SCN8A: variants seen among roughly 807,000 people sequenced by gnomAD.
SCN8A encodes sodium channel protein type 8 subunit alpha.
A neutral mutation model predicts 184.1 loss-of-function variants in SCN8A; 30 were observed. The observed-to-expected ratio is 0.16, with a 90% CI of 0.12 to 0.22. The LOEUF is 0.22. Ranked by LOEUF, SCN8A falls within the 10% of genes least tolerant of loss-of-function variation. SCN8A has a pLI of 1.00. For missense variants in SCN8A, 1,057 were observed against 2,498.9 expected, an observed-to-expected ratio of 0.42 and a Z score of 12.30; for synonymous variants, 852 against 907.0, an observed-to-expected ratio of 0.94 and a Z score of 1.09.
At chr12:51,631,088 C>T (rs150739149) in intron 1 of SCN8A, among the ~76,000 whole-genome samples, 64 of 152,290 alleles carry the variant, frequency 4.2e-4, no homozygotes, top group African/African-American at 1.4e-3. Context: ...ATTGATATCC[C>T]GAGGGCAAGT....
intron 25 of SCN8A, among the ~76,000 whole-genome samples, chr12:51,792,252 A>T (rs1480633579): frequency 6.6e-6 from 1 of 150,608 alleles, no homozygotes; most frequent in Admixed American, 6.6e-5. Flanking sequence ...ATCTAGAGGC[A>T]GGCAGATCGC....
At chr12:51,649,231 C>G (rs1294896995) in intron 1 of SCN8A, among the ~76,000 whole-genome samples, 4 of 152,190 alleles carry the variant, frequency 2.6e-5, no homozygotes, top group African/African-American at 4.8e-5. Flanking sequence ...CAGGGTACAG[C>G]CTTCTTCCCA....
intron 26 of SCN8A, among the ~76,000 whole-genome samples, chr12:51,798,002 C>T (rs1471999610): frequency 1.3e-5 from 2 of 152,112 alleles, no homozygotes; most frequent in Non-Finnish European, 2.9e-5. Flanking sequence ...CCATTTCCAC[C>T]CCTTGATTCC....
At chr12:51,757,064 T>G (rs1054621157) in intron 14 of SCN8A, among the ~76,000 whole-genome samples, 4 of 152,230 alleles carry the variant, frequency 2.6e-5, no homozygotes, top group Non-Finnish European at 5.9e-5. Flanking sequence ...TTTTAAATAC[T>G]TGTCACATGA....
At chr12:51,688,532 A>G (rs1223217222) in intron 5 of SCN8A, among the ~76,000 whole-genome samples, 1 of 152,196 alleles carries the variant, frequency 6.6e-6, no homozygotes, top group Non-Finnish European at 1.5e-5. Flanking sequence ...GCACATTACT[A>G]TGCTGATTAA....
At chr12:51,691,008 A>G (rs1465175631) in intron 6 of SCN8A, among the ~76,000 whole-genome samples, 2 of 152,222 alleles carry the variant, frequency 1.3e-5, no homozygotes, top group Non-Finnish European at 2.9e-5. Flanking sequence ...AGCTCAGCTC[A>G]TTCTCCAGAC....
intron 14 of SCN8A, among the ~76,000 whole-genome samples, chr12:51,753,999 C>T (rs1942634997): frequency 6.6e-6 from 1 of 151,920 alleles, no homozygotes; most frequent in Non-Finnish European, 1.5e-5. Flanking sequence ...TGTCTGTAGA[C>T]ATACAGAAAG....
chr12:51,798,401 C>T (rs759935405), intron 26 of SCN8A, among the ~76,000 whole-genome samples: 2 of 152,194 alleles, frequency 1.3e-5, no homozygotes, highest in Admixed American at 6.5e-5. Context: ...AGTGTCTGTT[C>T]TGGTGAGGAC....
At chr12:51,637,076 G>A (rs1458649206) in intron 1 of SCN8A, among the ~76,000 whole-genome samples, 1 of 152,090 alleles carries the variant, frequency 6.6e-6, no homozygotes, top group African/African-American at 2.4e-5. Flanking sequence ...TATTACATCT[G>A]TTATGGCGAT....
At chr12:51,708,799 G>T (rs148397188) in intron 11 of SCN8A, among the ~76,000 whole-genome samples, 49 of 152,210 alleles carry the variant, frequency 3.2e-4, no homozygotes, top group Non-Finnish European at 5.9e-4. Context: ...ACTGTCAACA[G>T]ATTACGTCCT....
intron 15 of SCN8A, among the ~76,000 whole-genome samples, chr12:51,764,404 G>A (rs909958278): frequency 6.6e-6 from 1 of 152,174 alleles, no homozygotes; most frequent in African/African-American, 2.4e-5. Context: ...GGAGGCCAAG[G>A]CGGGCGCATC....
chr12:51,593,142 A>G (rs1428588559), intron 1 of SCN8A, among the ~76,000 whole-genome samples: 2 of 152,050 alleles, frequency 1.3e-5, no homozygotes, highest in East Asian at 3.9e-4. Flanking sequence ...TAAGGCCTTC[A>G]TTTCTCCCTG....
At chr12:51,603,687 A>G (rs1232648636) in intron 1 of SCN8A, among the ~76,000 whole-genome samples, 1 of 152,162 alleles carries the variant, frequency 6.6e-6, no homozygotes, top group Admixed American at 6.5e-5. Context: ...ATGCGAGTTC[A>G]GGTGCTCTGT....
intron 12 of SCN8A, among the ~76,000 whole-genome samples, chr12:51,736,731 C>T (rs959612349): frequency 5.3e-5 from 8 of 152,144 alleles, no homozygotes; most frequent in African/African-American, 1.9e-4. Flanking sequence ...ATAAAGTCAT[C>T]GGTTGTTCAT....
At chr12:51,789,574 C>T (rs1396131844) in intron 24 of SCN8A, among the ~76,000 whole-genome samples, 156 bp downstream of exon 24, 1 of 152,142 alleles carries the variant, frequency 6.6e-6, no homozygotes, top group African/African-American at 2.4e-5. Flanking sequence ...AGCCCCAACC[C>T]ACTCTTTCTG....
intron 18 of SCN8A, 28 bp from the exon 19 acceptor site, chr12:51,770,501 T>G: frequency 6.5e-7 from 1 of 1,548,638 alleles, no homozygotes; most frequent in Non-Finnish European, 8.7e-7. Context: ...GTTTCCACGG[T>G]CTGACCCGCC....
chr12:51,655,105 G>T (rs1443457686), intron 1 of SCN8A, among the ~76,000 whole-genome samples: 1 of 151,898 alleles, frequency 6.6e-6, no homozygotes, highest in African/African-American at 2.4e-5. Context: ...TGCTGTGTCG[G>T]CCAGGCTGGT....
At chr12:51,692,805 C>G (rs962251203) in intron 6 of SCN8A, among the ~76,000 whole-genome samples, 21 of 152,184 alleles carry the variant, frequency 1.4e-4, no homozygotes, top group Non-Finnish European at 7.3e-5. Context: ...GTGGGAATCT[C>G]GAAAGAGTTT....
At chr12:51,772,632 C>T (rs896637324) in intron 19 of SCN8A, among the ~76,000 whole-genome samples, 15 of 151,960 alleles carry the variant, frequency 9.9e-5, no homozygotes, top group Admixed American at 2.6e-4. Context: ...TTATTTGCAC[C>T]GAGACCCTGA....
Sources: allele counts gnomAD v4.1 joint callset (sites outside exome capture counted in the v4.1 genomes callset), GRCh38; gene constraint gnomAD v4.1.1; transcripts MANE v1.5; gene names NCBI Gene and HGNC (gene_info 2026-07-23, HGNC 2026-07-21).